The following ANO2 variants were observed in gnomAD, a reference collection of about 807,000 sequenced individuals.
The protein encoded by ANO2 is anoctamin-2.
A neutral mutation model predicts 124.2 loss-of-function variants in ANO2; 101 were observed. That is an observed-to-expected ratio of 0.81 (90% CI 0.69 to 0.96). ANO2 has a LOEUF of 0.96. Among genes scored for constraint, ANO2 ranks in the 40% least tolerant of loss-of-function variants. The probability of loss-of-function intolerance (pLI) is 0.00; values close to 1 mark genes in which losing one functional copy is unlikely to be tolerated. For missense variants in ANO2, 1,293 were observed against 1,274.5 expected (o/e 1.01, Z -0.22); for synonymous variants, 486 against 482.5 (o/e 1.01, Z -0.09).
At chr12:5,794,676 G>A (rs142111849) in intron 10 of ANO2, among the ~76,000 whole-genome samples, 5 of 152,022 alleles carry the variant, frequency 3.3e-5, no homozygotes, top group Non-Finnish European at 5.9e-5. Flanking sequence ...CGCTATATCC[G>A]GTCTTGCACA....
intron 16 of ANO2, among the ~76,000 whole-genome samples, chr12:5,628,434 C>T (rs1251037939): frequency 6.6e-6 from 1 of 152,180 alleles, no homozygotes; most frequent in Admixed American, 6.5e-5. Flanking sequence ...ACAAGGACAG[C>T]TACATATTAA....
chr12:5,893,008 A>G (rs913277016), intron 3 of ANO2, among the ~76,000 whole-genome samples: 3 of 152,206 alleles, frequency 2.0e-5, no homozygotes, highest in Non-Finnish European at 4.4e-5. Flanking sequence ...GGAACTTCTA[A>G]GATGGTAAGG....
chr12:5,715,421 G>A (rs561804484), intron 14 of ANO2, among the ~76,000 whole-genome samples: 1 of 152,272 alleles, frequency 6.6e-6, no homozygotes, highest in African/African-American at 2.4e-5. Context: ...TTAGTGATGG[G>A]TTCAGAAGAT....
intron 3 of ANO2, among the ~76,000 whole-genome samples, chr12:5,885,732 G>A (rs1327329865): frequency 1.3e-5 from 2 of 152,148 alleles, no homozygotes; most frequent in African/African-American, 4.8e-5. Flanking sequence ...AATCCTTAAT[G>A]AGCCATGATG....
intron 10 of ANO2, among the ~76,000 whole-genome samples, chr12:5,761,366 C>T (rs1951740023): frequency 6.6e-6 from 1 of 152,152 alleles, no homozygotes; most frequent in South Asian, 2.1e-4. Context: ...ATTTAGTCCA[C>T]ATCCCCCATA....
chr12:5,932,831 A>T (rs1237747187), intron 1 of ANO2, among the ~76,000 whole-genome samples: 1 of 152,206 alleles, frequency 6.6e-6, no homozygotes, highest in East Asian at 1.9e-4. Context: ...TGGAAGCAGA[A>T]GCCCTCAGCT....
chr12:5,638,913 A>G (rs74056079), intron 15 of ANO2, among the ~76,000 whole-genome samples: 56,827 of 151,958 alleles, frequency 0.37, 11,116 homozygotes, highest in East Asian at 0.66. Context: ...GTAAGAGAGA[A>G]GACCTCTTCG....
intron 20 of ANO2, among the ~76,000 whole-genome samples, chr12:5,584,622 C>A (rs1014432): frequency 0.42 from 64,538 of 151,938 alleles, 14,849 homozygotes; most frequent in African/African-American, 0.61. Context: ...TATTTATTTC[C>A]TCAGCCCATA....
At chr12:5,865,629 A>G (rs1955402362) in intron 3 of ANO2, among the ~76,000 whole-genome samples, 1 of 151,912 alleles carries the variant, frequency 6.6e-6, no homozygotes, top group African/African-American at 2.4e-5. Context: ...ATGCCATCAC[A>G]CCATCATACC....
intron 3 of ANO2, among the ~76,000 whole-genome samples, chr12:5,915,754 G>A (rs1941342697): frequency 6.6e-6 from 1 of 152,206 alleles, no homozygotes; most frequent in African/African-American, 2.4e-5. Context: ...ATGGTGAAAA[G>A]TTGTTCAGAA....
At chr12:5,928,519 C>A (rs1469825727) in intron 1 of ANO2, among the ~76,000 whole-genome samples, 1 of 150,358 alleles carries the variant, frequency 6.7e-6, no homozygotes, top group Non-Finnish European at 1.5e-5. Context: ...CCTCTCTAGT[C>A]TACCTTCCTT....
At chr12:5,607,018 T>C (rs1051695431) in intron 19 of ANO2, among the ~76,000 whole-genome samples, 1 of 151,996 alleles carries the variant, frequency 6.6e-6, no homozygotes, top group Non-Finnish European at 1.5e-5. Flanking sequence ...CAAACATTCT[T>C]ATCCAGCACA....
At chr12:5,717,834 G>A (rs980253910) in intron 14 of ANO2, among the ~76,000 whole-genome samples, 1 of 152,202 alleles carries the variant, frequency 6.6e-6, no homozygotes, top group Non-Finnish European at 1.5e-5. Flanking sequence ...CCCAAATGGA[G>A]CCAACTCTAA....
At chr12:5,578,602 C>T (rs1942563582) in intron 20 of ANO2, 84 bp from the exon 21 acceptor site, 2 of 1,405,494 alleles carry the variant, frequency 1.4e-6, no homozygotes, top group Admixed American at 2.4e-5. Flanking sequence ...GCCCCTTGTC[C>T]TTTCTGCCTT....
chr12:5,772,257 G>C (rs1386480596), intron 10 of ANO2, among the ~76,000 whole-genome samples: 1 of 152,158 alleles, frequency 6.6e-6, no homozygotes, highest in Non-Finnish European at 1.5e-5. Context: ...ACATGACAGA[G>C]AAAGAATTCC....
chr12:5,643,978 T>C (rs1435618466), intron 15 of ANO2, among the ~76,000 whole-genome samples: 1 of 152,260 alleles, frequency 6.6e-6, no homozygotes, highest in Non-Finnish European at 1.5e-5. Flanking sequence ...ATAATTTGTC[T>C]TCTCACAGAG....
rs546998326 is a variant in ANO2 at position 5,836,888 on chromosome 12, A to G, written c.634-4285T>C. The G allele has an allele frequency of 5.8e-5, 9 of 154,474 alleles. No individual in the cohort carries two copies. The South Asian group carries it at 1.4e-3, about 24-fold the overall frequency. The allele number at this position is 154,474 out of a possible 1,614,324, so 9.6% of individuals were successfully genotyped here. ...TAACACTTATCACAGTTGTAATTTT[A>G]TACTTATTTGAGTGATTGATGAATG... On this transcript the variant is annotated intron_variant, in intron 4 of 24. Coordinates refer to ENST00000682330, the MANE Select transcript of ANO2 (RefSeq NM_001364791.2).
chr12:5,905,124 G>A (rs1289351717), intron 3 of ANO2, among the ~76,000 whole-genome samples: 1 of 152,144 alleles, frequency 6.6e-6, no homozygotes, highest in Non-Finnish European at 1.5e-5. Context: ...TCCCTCACTG[G>A]CAGCAAGGGT....
At position 5,863,917 on chromosome 12, in the gene ANO2, G is replaced by T. The variant is rs536696758; in HGVS notation, c.535-9776C>A. On this transcript the variant is annotated intron_variant, in intron 3 of 24. Coordinates refer to ENST00000682330, the MANE Select transcript of ANO2 (RefSeq NM_001364791.2). Reference sequence around the variant, plus strand: ...TAATAAATATTCAAAAGTGAATAATGATTTCATGGTATCTCAGAATCAAAT... The same window carrying T: ...TAATAAATATTCAAAAGTGAATAATTATTTCATGGTATCTCAGAATCAAAT... 6.6e-5 allele frequency among the ~76,000 whole-genome samples: 10 copies of T among 152,220 alleles called. No homozygotes were observed. The South Asian group carries it at 2.1e-3, about 32-fold the overall frequency.
Sources: gnomAD v4.1 joint callset for allele counts (sites outside exome capture counted in the v4.1 genomes callset) on GRCh38, gnomAD v4.1.1 for gene constraint, MANE v1.5 for transcripts, NCBI Gene and HGNC (gene_info 2026-07-23, HGNC 2026-07-21) for gene names.